GALNT10: variants seen among roughly 807,000 people sequenced by gnomAD.
GALNT10 encodes GalNAc transferase 10.
A neutral mutation model predicts 75.0 loss-of-function variants in GALNT10; 41 were observed. The ratio of observed to expected loss-of-function variants is 0.55; its 90% CI spans 0.43 to 0.71. The LOEUF (loss-of-function observed/expected upper bound fraction) is 0.71, where lower values mean the gene tolerates loss of function less well. Ranked by LOEUF, GALNT10 falls within the 30% of genes least tolerant of loss-of-function variation. The pLI is 0.00. For missense variants in GALNT10, 727 were observed against 818.5 expected, an observed-to-expected ratio of 0.89 and a Z score of 1.36; for synonymous variants, 302 against 313.0, an observed-to-expected ratio of 0.96 and a Z score of 0.37.
intron 3 of GALNT10, among the ~76,000 whole-genome samples, chr5:154,310,452 TG>T (rs1188626205): frequency 1.6e-4 from 23 of 143,660 alleles, no homozygotes; most frequent in African/African-American, 5.4e-4. Context: ...TTTTTTTTTT[TG>T]TTTGTTTGTT....
intron 1 of GALNT10, among the ~76,000 whole-genome samples, chr5:154,213,308 A>G (rs1752801522): frequency 6.6e-6 from 1 of 152,122 alleles, no homozygotes; most frequent in Non-Finnish European, 1.5e-5. Flanking sequence ...GAAAGGAAAA[A>G]CAACCTCTCC....
At chr5:154,214,363 G>A (rs1328720966) in intron 1 of GALNT10, among the ~76,000 whole-genome samples, 2 of 152,054 alleles carry the variant, frequency 1.3e-5, no homozygotes, top group Non-Finnish European at 1.5e-5. Context: ...ATTGGCATTT[G>A]TCTGCTCTGC....
chr5:154,252,239 A>G (rs1190064501), intron 1 of GALNT10, among the ~76,000 whole-genome samples: 3 of 151,972 alleles, frequency 2.0e-5, no homozygotes, highest in African/African-American at 7.2e-5. Flanking sequence ...CTTAACTTCC[A>G]CTTAGTTCTA....
At position 154,266,838 on chromosome 5, in the gene GALNT10, G is replaced by T. The variant is rs890876399; in HGVS notation, c.160-27978G>T. On this transcript the variant is annotated intron_variant, in intron 1 of 11. Transcript: ENST00000297107. ...TAGAAGCTGCGATGAGCTTGATTGT[G>T]CCATTGCACTCCAGCCTGGGCGACA... Among the ~76,000 whole-genome samples, 7 of 152,330 alleles carry T rather than the reference G, an allele frequency of 4.6e-5. No individual in the cohort carries two copies. The East Asian group carries it at 5.8e-4, about 13-fold the overall frequency.
intron 3 of GALNT10, among the ~76,000 whole-genome samples, chr5:154,304,394 T>C (rs1228992478): frequency 6.6e-6 from 1 of 152,098 alleles, no homozygotes; most frequent in Non-Finnish European, 1.5e-5. Flanking sequence ...AAGCATGTTA[T>C]ATAGAGAGGA....
chr5:154,213,105 AC>A (rs1263850014), intron 1 of GALNT10, among the ~76,000 whole-genome samples: 1 of 152,186 alleles, frequency 6.6e-6, no homozygotes, highest in East Asian at 1.9e-4. Context: ...TGCATATAAA[AC>A]TATTCAATGT....
intron 3 of GALNT10, among the ~76,000 whole-genome samples, chr5:154,306,097 C>T (rs886599955): frequency 6.6e-6 from 1 of 152,130 alleles, no homozygotes; most frequent in Non-Finnish European, 1.5e-5. Context: ...CAACACCTCT[C>T]TCTCAATAAT....
chr5:154,213,024 A>G (rs1224470738), intron 1 of GALNT10, among the ~76,000 whole-genome samples: 1 of 151,986 alleles, frequency 6.6e-6, no homozygotes, highest in African/African-American at 2.4e-5. Flanking sequence ...TTTAAATTTC[A>G]ACGCTTCTAC....
intron 1 of GALNT10, among the ~76,000 whole-genome samples, chr5:154,286,528 C>A (rs1421103766): frequency 1.3e-5 from 2 of 151,920 alleles, no homozygotes; most frequent in East Asian, 3.8e-4. Flanking sequence ...AGTATCTTGG[C>A]TTTTTTTTCT....
chr5:154,415,738 A>G, intron 10 of GALNT10, 45 bp from the exon 11 acceptor site: 2 of 1,541,334 alleles, frequency 1.3e-6, no homozygotes, highest in Non-Finnish European at 1.8e-6. Context: ...AAAAAAAGAA[A>G]GTCCTTGGCT....
chr5:154,192,969 A>G (rs80205393), intron 1 of GALNT10, among the ~76,000 whole-genome samples: 1,999 of 152,252 alleles, frequency 0.013, 42 homozygotes, highest in African/African-American at 0.046. Flanking sequence ...CACTTGTGCA[A>G]GAGGGTATTG....
At chr5:154,238,632 C>T (rs183959797) in intron 1 of GALNT10, among the ~76,000 whole-genome samples, 28 of 152,292 alleles carry the variant, frequency 1.8e-4, no homozygotes, top group Non-Finnish European at 4.1e-4. Context: ...CCAGGGAAGG[C>T]AAGTCCCTGC....
intron 3 of GALNT10, among the ~76,000 whole-genome samples, chr5:154,321,122 T>G (rs1561660295): frequency 6.6e-6 from 1 of 152,230 alleles, no homozygotes; most frequent in African/African-American, 2.4e-5. Context: ...TTGGTTTACT[T>G]ACTTGATCAC....
At chr5:154,272,810 T>C (rs1225715289) in intron 1 of GALNT10, among the ~76,000 whole-genome samples, 1 of 152,192 alleles carries the variant, frequency 6.6e-6, no homozygotes, top group East Asian at 1.9e-4. Context: ...GTCTTCTCTA[T>C]GGGAGAAAGA....
At chr5:154,358,960 T>A (rs2113152893) in intron 4 of GALNT10, among the ~76,000 whole-genome samples, 1 of 152,306 alleles carries the variant, frequency 6.6e-6, no homozygotes, top group South Asian at 2.1e-4. Flanking sequence ...TTGTATTATT[T>A]TTTCCCCTGT....
At chr5:154,262,537 G>A (rs1162859089) in intron 1 of GALNT10, among the ~76,000 whole-genome samples, 1 of 152,112 alleles carries the variant, frequency 6.6e-6, no homozygotes, top group East Asian at 1.9e-4. Flanking sequence ...CTTGAAGCAG[G>A]TACTCAGATT....
chr5:154,213,025 A>G (rs1752794533), intron 1 of GALNT10, among the ~76,000 whole-genome samples: 1 of 151,948 alleles, frequency 6.6e-6, no homozygotes, highest in Admixed American at 6.6e-5. Flanking sequence ...TTAAATTTCA[A>G]CGCTTCTACT....
chr5:154,325,889 A>T (rs1754749038), intron 3 of GALNT10, among the ~76,000 whole-genome samples: 1 of 152,212 alleles, frequency 6.6e-6, no homozygotes, highest in African/African-American at 2.4e-5. Context: ...CAAGAAAAAG[A>T]CATAAAAAGT....
intron 1 of GALNT10, among the ~76,000 whole-genome samples, chr5:154,210,648 A>G (rs1035026248): frequency 1.2e-4 from 19 of 152,282 alleles, no homozygotes; most frequent in South Asian, 6.2e-4. Context: ...CCCCCCAACT[A>G]TTTTATTCCC....
Sources: allele counts gnomAD v4.1 joint callset (sites outside exome capture counted in the v4.1 genomes callset), GRCh38; gene constraint gnomAD v4.1.1; transcripts MANE v1.5; gene names NCBI Gene and HGNC (gene_info 2026-07-23, HGNC 2026-07-21).